RGS3: variants seen among roughly 807,000 people sequenced by gnomAD.
The protein encoded by RGS3 is regulator of G protein signaling 3, also known as regulator of G-protein signalling 3.
RGS3 carries 80 observed loss-of-function variants against 132.6 expected under a neutral mutation model. The observed-to-expected ratio is 0.60, with a 90% CI of 0.50 to 0.73. RGS3 has a LOEUF of 0.73. Among genes scored for constraint, RGS3 ranks in the 30% least tolerant of loss-of-function variants. The probability of loss-of-function intolerance (pLI) is 0.00; values close to 1 mark genes in which losing one functional copy is unlikely to be tolerated. For missense variants in RGS3, 1,382 were observed against 1,530.8 expected (o/e 0.90, Z 1.62); for synonymous variants, 598 against 620.6 (o/e 0.96, Z 0.54).
intron 10 of RGS3, among the ~76,000 whole-genome samples, chr9:113,503,888 C>A (rs542994629): frequency 2.0e-5 from 3 of 152,310 alleles, no homozygotes; most frequent in East Asian, 1.9e-4. Context: ...CACACTCGTA[C>A]CCGCGTTTGT....
intron 3 of RGS3, among the ~76,000 whole-genome samples, chr9:113,476,704 TC>T (rs1332560138): frequency 6.6e-6 from 1 of 152,224 alleles, no homozygotes; most frequent in Non-Finnish European, 1.5e-5. Flanking sequence ...CAAGTCCCTG[TC>T]CTAGCCACTG....
intron 10 of RGS3, among the ~76,000 whole-genome samples, chr9:113,499,296 G>A (rs1164339780): frequency 2.6e-5 from 4 of 151,094 alleles, no homozygotes; most frequent in African/African-American, 7.3e-5. Flanking sequence ...ACCAGGTGCT[G>A]TTACCTAATC....
At position 113,553,791 on chromosome 9, in the gene RGS3, C is replaced by T. The variant is rs558490040; in HGVS notation, c.2037+16873C>T. Among the ~76,000 whole-genome samples the T allele has an allele frequency of 1.3e-4, 19 of 151,086 alleles. No homozygotes were observed. The South Asian group carries it at 1.9e-3, about 15-fold the overall frequency. On this transcript the variant is annotated intron_variant, in intron 19 of 24. Transcript: ENST00000350696. Reference sequence around the variant, plus strand: ...CCTGGAGACGGAGGTTGCAATGAGCCGAGATTGTGCCGTTGCACTCCAGCC... The same window carrying T: ...CCTGGAGACGGAGGTTGCAATGAGCTGAGATTGTGCCGTTGCACTCCAGCC...
chr9:113,572,153 G>A (rs1002094687), intron 19 of RGS3, among the ~76,000 whole-genome samples: 10 of 152,098 alleles, frequency 6.6e-5, no homozygotes, highest in African/African-American at 2.4e-4. Flanking sequence ...GAGGAGAAAC[G>A]GTGTGGTGGA....
At chr9:113,516,848 T>A (rs1413767119) in intron 15 of RGS3, among the ~76,000 whole-genome samples, 3 of 152,142 alleles carry the variant, frequency 2.0e-5, no homozygotes, top group African/African-American at 7.2e-5. Context: ...AGGTCCAGCT[T>A]GCTATTTGTT....
intron 19 of RGS3, among the ~76,000 whole-genome samples, chr9:113,564,001 C>A (rs1477947742): frequency 1.3e-5 from 2 of 152,124 alleles, no homozygotes; most frequent in Non-Finnish European, 2.9e-5. Flanking sequence ...TCCCAGGATG[C>A]CTGCTGCTCT....
chr9:113,542,069 A>G (rs772357936), intron 19 of RGS3: 47 of 160,442 alleles, frequency 2.9e-4, no homozygotes, highest in Non-Finnish European at 5.8e-4. Context: ...GAAAGAAAAA[A>G]CACAGATTTC....
chr9:113,528,243 C>A (rs1160271703), intron 17 of RGS3, among the ~76,000 whole-genome samples: 3 of 152,118 alleles, frequency 2.0e-5, no homozygotes, highest in Admixed American at 6.5e-5. Context: ...CCTAGTGAGA[C>A]CCATTGCACG....
At chr9:113,553,729 G>A (rs1331033091) in intron 19 of RGS3, among the ~76,000 whole-genome samples, 2 of 151,640 alleles carry the variant, frequency 1.3e-5, no homozygotes, top group Non-Finnish European at 2.9e-5. Context: ...TGTAATCCCA[G>A]CTACTGGGGA....
intron 1 of RGS3, among the ~76,000 whole-genome samples, chr9:113,452,873 T>G (rs1243261461): frequency 7.4e-6 from 1 of 134,616 alleles, no homozygotes; most frequent in Non-Finnish European, 1.6e-5. Flanking sequence ...TCACCTCTAG[T>G]TGTTCAATTG....
chr9:113,505,504 A>G, exon 11 of RGS3: 2 of 1,614,176 alleles, frequency 1.2e-6, no homozygotes, highest in Non-Finnish European at 1.7e-6. Flanking sequence ...CTCCAGTTCG[A>G]GTCCAGGCCG....
At chr9:113,590,348 TCCACCCACCCACCCAC>T (rs1306706284) in intron 20 of RGS3, among the ~76,000 whole-genome samples, 1 of 147,138 alleles carries the variant, frequency 6.8e-6, no homozygotes. Flanking sequence ...CCTTCATCCA[TCCACCCACCCACCCAC>T]CCATCCATCT....
chr9:113,510,040 G>A (rs952500536), intron 14 of RGS3, among the ~76,000 whole-genome samples: 1 of 152,064 alleles, frequency 6.6e-6, no homozygotes, highest in African/African-American at 2.4e-5. Flanking sequence ...CCCATAACCC[G>A]AGCAGAATAT....
intron 10 of RGS3, among the ~76,000 whole-genome samples, chr9:113,500,327 A>G (rs1830831326): frequency 6.6e-6 from 1 of 152,214 alleles, no homozygotes; most frequent in South Asian, 2.1e-4. Flanking sequence ...CCACAGTCAC[A>G]CAGCAACCAA....
chr9:113,467,448 C>G (rs1829679461), intron 3 of RGS3, among the ~76,000 whole-genome samples: 1 of 152,110 alleles, frequency 6.6e-6, no homozygotes, highest in Admixed American at 6.5e-5. Context: ...TTGATATTCA[C>G]TATAGTTTCG....
chr9:113,517,688 C>G, intron 16 of RGS3, 64 bp downstream of exon 14: 1 of 1,286,972 alleles, frequency 7.8e-7, no homozygotes, highest in African/African-American at 1.5e-5. Context: ...ATTCTCCAGG[C>G]CCCTCACTTT....
At chr9:113,498,721 C>T (rs1830764593) in intron 10 of RGS3, among the ~76,000 whole-genome samples, 2 of 152,038 alleles carry the variant, frequency 1.3e-5, no homozygotes, top group South Asian at 4.1e-4. Context: ...TCAAGACCAG[C>T]CTGGCCAACA....
intron 24 of RGS3, 136 bp from the exon 23 acceptor site, chr9:113,596,632 C>G (rs1043247266): frequency 8.8e-6 from 6 of 678,288 alleles, no homozygotes; most frequent in African/African-American, 3.6e-5. Context: ...CTGAGGGTCT[C>G]TACTTCAGAT....
intron 3 of RGS3, among the ~76,000 whole-genome samples, chr9:113,468,337 C>T (rs149178275): frequency 2.6e-5 from 4 of 152,130 alleles, no homozygotes; most frequent in Admixed American, 1.3e-4. Context: ...ATCTTGGTAC[C>T]TTTACTGAAA....
Sources: allele counts gnomAD v4.1 joint callset (sites outside exome capture counted in the v4.1 genomes callset), GRCh38; gene constraint gnomAD v4.1.1; transcripts MANE v1.5; gene names NCBI Gene and HGNC (gene_info 2026-07-23, HGNC 2026-07-21).